Variants in PRSS2 observed in about 807,000 individuals in gnomAD.
The protein encoded by PRSS2 is trypsin-2.
PRSS2 carries 19 observed loss-of-function variants against 19.2 expected under a neutral mutation model. The observed-to-expected ratio is 0.99, with a 90% CI of 0.69 to 1.45. The LOEUF is 1.45. Ranked by LOEUF, PRSS2 falls within the 40% of genes most tolerant of loss-of-function variation. The pLI, the probability that PRSS2 is intolerant of heterozygous loss-of-function variation, is 0.00. For synonymous variants in PRSS2, 107 were observed against 117.5 expected, an observed-to-expected ratio of 0.91 and a Z score of 0.58; for missense variants, 288 against 294.4, an observed-to-expected ratio of 0.98 and a Z score of 0.16.
chr7:142,772,127 C>T lies in PRSS2; in HGVS notation c.119C>T (p.Ser40Phe), dbSNP rs1554505947. 6.2e-7 allele frequency: 1 copy of T among 1,613,850 alleles called. No individual in the cohort carries two copies. The highest frequency in any genetic ancestry group is 1.7e-5 in the Admixed American group (1 of 60,020). ...GAGAATTCTGTCCCCTACCAGGTGT[C>T]CTTGAATTCTGGCTACCACTTCTGC... ...CEENSVPYQV[S>F]LNSGYHFCGG... The change falls in exon 2 of 5, where the codon TCC becomes TTC. Residue 40 changes from serine (S) to phenylalanine (F), a missense_variant. By Grantham distance (155) the Ser-to-Phe change is radical. Coordinates refer to ENST00000539842, the MANE Select transcript of PRSS2 (RefSeq NM_002770.4).
Position 142,774,072 on chromosome 7 carries a change from C to T in PRSS2, c.591+17C>T. The T allele has an allele frequency of 2.5e-6, 4 of 1,580,668 alleles. No individual in the cohort carries two copies. In the East Asian group the frequency reaches 9.0e-5, roughly 35 times the overall value. ...TCCTGCCAGGTGATTTGACCCCTTC[C>T]CATGCTGAGGCTCCCACTGATAACC... On this transcript the variant is annotated intron_variant, in intron 4 of 4. Coordinates refer to ENST00000539842, the MANE Select transcript of PRSS2 (RefSeq NM_002770.4).
intron 2 of PRSS2, 42 bp from the exon 3 acceptor site, chr7:142,773,224 G>A (rs1800108475): frequency 1.2e-6 from 2 of 1,614,072 alleles, no homozygotes; most frequent in Non-Finnish European, 1.7e-6. Context: ...GGGTGCCCTG[G>A]CTGTGGGAGA....
chr7:142,774,175 GT>G, intron 4 of PRSS2, 120 bp downstream of exon 4: 1 of 1,293,474 alleles, frequency 7.7e-7, no homozygotes, highest in Non-Finnish European at 1.1e-6. Flanking sequence ...CCATGGAGAA[GT>G]GAGGAAGACT....
At position 142,774,039 on chromosome 7, in the gene PRSS2, GCAAGGATTCCTGC is replaced by G; in HGVS notation, c.578_590del (p.Lys193ArgfsTer47). The G allele has an allele frequency of 6.3e-7, 1 of 1,598,208 alleles. No individual in the cohort carries two copies. Among genetic ancestry groups the G allele is most frequent in the Non-Finnish European group, 8.6e-7 (1 of 1,165,608 alleles). ...TTCTGTGTGGGCTTCCTCGAGGGAG[GCAAGGATTCCTGC>G]CAGGTGATTTGACCCCTTCCCATGC... On this transcript the variant is annotated frameshift_variant, in exon 4 of 5. Transcript: ENST00000539842. LOFTEE classifies it high-confidence loss of function.
At chr7:142,772,750 C>T in intron 2 of PRSS2, 3 of 571,376 alleles carry the variant, frequency 5.3e-6, no homozygotes, top group Non-Finnish European at 6.2e-6. Context: ...GACCCATCCC[C>T]AAGGTTCTGA....
At position 142,773,469 on chromosome 7, in the gene PRSS2, C is replaced by A; in HGVS notation, c.404C>A (p.Ala135Asp). The A allele has an allele frequency of 6.3e-7, 1 of 1,599,274 alleles. No individual in the cohort carries two copies. Among genetic ancestry groups the A allele is most frequent in the South Asian group, 1.1e-5 (1 of 90,442 alleles). The part of the protein sequence containing the change: ...AISLPTAPPA[A>D]GTESLISGWG... ...TCTCTGCCCACTGCCCCTCCAGCTG[C>A]TGGCACCGAGTCCCTCATCTCCGGC... Residue 135 changes from alanine (A) to aspartate (D), a missense_variant, in exon 3 of 5, where the codon GCT becomes GAT. Coordinates refer to ENST00000539842, the MANE Select transcript of PRSS2 (RefSeq NM_002770.4).
intron 4 of PRSS2, 119 bp from the exon 5 acceptor site, chr7:142,774,237 T>A (rs1225279068): frequency 3.6e-5 from 40 of 1,105,876 alleles, no homozygotes; most frequent in Non-Finnish European, 5.3e-5. Context: ...TGGGCCACCG[T>A]GAGAAGGACG....
Position 142,773,365 on chromosome 7 carries a change from C to T in PRSS2, c.300C>T (p.Asn100=), listed in dbSNP as rs878896540. ...AAKIIRHPKY[N]SRTLDNDILL... ...AGATCATCCGCCACCCCAAATACAA[C>T]AGCCGGACTCTGGACAATGACATCC... Residue 100 remains asparagine, a synonymous_variant, in exon 3 of 5, where the codon AAC becomes AAT. Coordinates refer to ENST00000539842, the MANE Select transcript of PRSS2 (RefSeq NM_002770.4). The T allele has an allele frequency of 1.2e-6, 2 of 1,613,914 alleles. No individual in the cohort carries two copies. Among genetic ancestry groups the T allele is most frequent in the Non-Finnish European group, 8.5e-7 (1 of 1,179,736 alleles).
intron 4 of PRSS2, 144 bp from the exon 5 acceptor site, chr7:142,774,212 A>G: frequency 8.6e-7 from 1 of 1,167,080 alleles, no homozygotes; most frequent in Non-Finnish European, 1.3e-6. Flanking sequence ...CTGTCTGCTT[A>G]GGAAGAACAG....
chr7:142,773,120 C>T (rs1800094966), intron 2 of PRSS2, 146 bp from the exon 3 acceptor site: 3 of 1,441,036 alleles, frequency 2.1e-6, no homozygotes, highest in Non-Finnish European at 2.8e-6. Flanking sequence ...ACCCACATTG[C>T]TCTCCTGCCC....
At chr7:142,772,431 G>T in intron 2 of PRSS2, 2 of 779,920 alleles carry the variant, frequency 2.6e-6, no homozygotes, top group Non-Finnish European at 4.4e-6. Context: ...GGTCATAAAA[G>T]CAGGCAGGGA....
intron 2 of PRSS2, 116 bp from the exon 3 acceptor site, chr7:142,773,150 C>A (rs1301994075): frequency 1.9e-5 from 30 of 1,587,336 alleles, no homozygotes; most frequent in Non-Finnish European, 1.3e-5. Context: ...GGCCACACAC[C>A]CCACCCCATG....
chr7:142,771,614 G>A (rs1424315350), intron 1 of PRSS2, among the ~76,000 whole-genome samples: 1 of 152,048 alleles, frequency 6.6e-6, no homozygotes, highest in Admixed American at 6.6e-5. Flanking sequence ...AGCTGAGGGG[G>A]AAACTGGTCA....
chr7:142,772,747 C>A (rs1030575289), intron 2 of PRSS2: 1 of 570,012 alleles, frequency 1.8e-6, no homozygotes. Flanking sequence ...TGGGACCCAT[C>A]CCCAAGGTTC....
chr7:142,772,021 G>A, intron 1 of PRSS2, 28 bp from the exon 2 acceptor site: 2 of 1,613,794 alleles, frequency 1.2e-6, no homozygotes. Context: ...CTACTGACTT[G>A]CCTTCTCCCT....
In PRSS2 at chr7:142,773,349, G is replaced by T. The variant is rs748713858; in HGVS notation, c.284G>T (p.Arg95Leu). The T allele has an allele frequency of 1.2e-6, 2 of 1,614,168 alleles. No homozygotes were observed. ...TTCATCAATGCGGCCAAGATCATCC[G>T]CCACCCCAAATACAACAGCCGGACT... ...EQFINAAKII[R>L]HPKYNSRTLD... The change falls in exon 3 of 5, where the codon CGC (arginine) becomes CTC (leucine). Residue 95 changes from arginine to leucine, a missense_variant. By Grantham distance (102) the Arg-to-Leu change is moderately radical. Coordinates refer to ENST00000539842, the MANE Select transcript of PRSS2 (RefSeq NM_002770.4).
intron 3 of PRSS2, among the ~76,000 whole-genome samples, 182 bp from the exon 4 acceptor site, chr7:142,773,737 T>G (rs1266614199): frequency 1.3e-5 from 2 of 152,028 alleles, no homozygotes; most frequent in Non-Finnish European, 2.9e-5. Flanking sequence ...CTATGATCAC[T>G]TCGTGGGAGA....
At chr7:142,771,131 C>G in intron 1 of PRSS2, 109 bp downstream of exon 1, 2 of 504,144 alleles carry the variant, frequency 4.0e-6, no homozygotes, top group Non-Finnish European at 7.2e-6. Context: ...TATTCTATTT[C>G]CTCCATCTGG....
At chr7:142,773,032 G>A (rs1800084424) in intron 2 of PRSS2, among the ~76,000 whole-genome samples, 1 of 151,920 alleles carries the variant, frequency 6.6e-6, no homozygotes, top group African/African-American at 2.4e-5. Context: ...AGCCTCTGGT[G>A]GGATCCCTTT....
Sources: gnomAD v4.1 joint callset for allele counts (sites outside exome capture counted in the v4.1 genomes callset) on GRCh38, gnomAD v4.1.1 for gene constraint, MANE v1.5 for transcripts, NCBI Gene and HGNC (gene_info 2026-07-23, HGNC 2026-07-21) for gene names.